Variants in MEF2A observed in about 807,000 individuals in gnomAD.
MEF2A encodes myocyte-specific enhancer factor 2A.
A neutral mutation model predicts 55.8 loss-of-function variants in MEF2A; 28 were observed. The observed-to-expected ratio is 0.50, with a 90% CI of 0.37 to 0.69. MEF2A has a LOEUF of 0.69. Ranked by LOEUF, MEF2A falls within the 30% of genes least tolerant of loss-of-function variation. The pLI is 0.00. For missense variants in MEF2A, 528 were observed against 626.2 expected (o/e 0.84, Z 1.67); for synonymous variants, 239 against 227.1 (o/e 1.05, Z -0.47).
At chr15:99,646,683 A>G (rs943314246) in intron 4 of MEF2A, among the ~76,000 whole-genome samples, 1 of 152,098 alleles carries the variant, frequency 6.6e-6, no homozygotes, top group African/African-American at 2.4e-5. Context: ...TTAAAATTAA[A>G]GATAATTTAG....
intron 11 of MEF2A, 89 bp downstream of exon 11, chr15:99,710,849 T>C: frequency 1.4e-6 from 2 of 1,436,934 alleles, no homozygotes; most frequent in South Asian, 1.4e-5. Flanking sequence ...TCTGTTGAGT[T>C]TCGTGTGAGG....
At chr15:99,688,783 A>G (rs1398939053) in intron 7 of MEF2A, among the ~76,000 whole-genome samples, 2 of 152,166 alleles carry the variant, frequency 1.3e-5, no homozygotes, top group Non-Finnish European at 2.9e-5. Flanking sequence ...ATAAATAAAA[A>G]TAAAATGCTT....
intron 1 of MEF2A, among the ~76,000 whole-genome samples, chr15:99,578,822 A>G (rs911169330): frequency 6.6e-6 from 1 of 152,236 alleles, no homozygotes; most frequent in Admixed American, 6.5e-5. Flanking sequence ...AAAAGAAAGG[A>G]TTGGAACTTA....
intron 4 of MEF2A, among the ~76,000 whole-genome samples, chr15:99,667,337 C>T (rs2049992508): frequency 6.6e-6 from 1 of 152,142 alleles, no homozygotes. Context: ...TCTCCTGCCT[C>T]AGCCTCCCGA....
At chr15:99,574,510 C>T (rs2152769058) in intron 1 of MEF2A, among the ~76,000 whole-genome samples, 1 of 152,234 alleles carries the variant, frequency 6.6e-6, no homozygotes, top group Non-Finnish European at 1.5e-5. Context: ...TAGAGGGTCC[C>T]ATCTTGGGGT....
chr15:99,705,453 A>ATT (rs2057919711), intron 9 of MEF2A, among the ~76,000 whole-genome samples: 1 of 152,230 alleles, frequency 6.6e-6, no homozygotes, highest in Admixed American at 6.5e-5. Flanking sequence ...CAGGACAAAG[A>ATT]TTGCTATATC....
intron 2 of MEF2A, among the ~76,000 whole-genome samples, chr15:99,612,937 C>G (rs1429615205): frequency 6.6e-6 from 1 of 151,050 alleles, no homozygotes; most frequent in Non-Finnish European, 1.5e-5. Flanking sequence ...AGGAAAAGAC[C>G]AAGAAAGCCA....
intron 1 of MEF2A, among the ~76,000 whole-genome samples, chr15:99,584,200 A>G (rs1237737359): frequency 5.9e-5 from 9 of 152,210 alleles, no homozygotes; most frequent in Admixed American, 5.9e-4. Flanking sequence ...GTGGTTCATT[A>G]CTGACTGAAA....
intron 8 of MEF2A, among the ~76,000 whole-genome samples, chr15:99,692,032 C>A (rs28405185): frequency 0.25 from 37,661 of 151,966 alleles, 4,999 homozygotes; most frequent in African/African-American, 0.34. Flanking sequence ...TACTACCATA[C>A]TAAATGATAT....
chr15:99,593,456 G>A (rs1970050693), intron 1 of MEF2A, among the ~76,000 whole-genome samples: 1 of 152,136 alleles, frequency 6.6e-6, no homozygotes, highest in Non-Finnish European at 1.5e-5. Context: ...ACTACATCAT[G>A]CCTGGTAGCA....
intron 3 of MEF2A, among the ~76,000 whole-genome samples, chr15:99,643,841 T>G (rs1229550779): frequency 6.6e-6 from 1 of 152,196 alleles, no homozygotes; most frequent in African/African-American, 2.4e-5. Context: ...TTCGCCTGCC[T>G]CAGCCTCCCA....
At chr15:99,636,757 C>CATA (rs1487401541) in intron 3 of MEF2A, among the ~76,000 whole-genome samples, 1 of 152,178 alleles carries the variant, frequency 6.6e-6, no homozygotes, top group East Asian at 1.9e-4. Flanking sequence ...CTTTACTTAC[C>CATA]ATAAGGCCAT....
rs143791425 is a variant in MEF2A at position 99,650,716 on chromosome 15, T to C, written c.258+4952T>C. Among the ~76,000 whole-genome samples the C allele has an allele frequency of 3.4e-3, 521 of 152,248 alleles. 4 individuals are homozygous for C. Among genetic ancestry groups the C allele is most frequent in the African/African-American group, 0.012 (488 of 41,550 alleles). On this transcript the variant is annotated intron_variant, in intron 4 of 11. Coordinates refer to ENST00000557942, the MANE Select transcript of MEF2A (RefSeq NM_001319206.4). Reference sequence around the variant, plus strand: ...TAAGATCCATCTATCAATTAGAAAATAAAAGCAGATGGTAGTGAAAGTGAT... The same window carrying C: ...TAAGATCCATCTATCAATTAGAAAACAAAAGCAGATGGTAGTGAAAGTGAT...
intron 1 of MEF2A, among the ~76,000 whole-genome samples, chr15:99,589,144 A>G (rs1023679505): frequency 1.1e-4 from 17 of 152,152 alleles, no homozygotes; most frequent in African/African-American, 4.1e-4. Flanking sequence ...CTGATATTAA[A>G]TCTTTAGATG....
At chr15:99,684,991 C>T (rs1405448957) in intron 7 of MEF2A, among the ~76,000 whole-genome samples, 2 of 152,164 alleles carry the variant, frequency 1.3e-5, no homozygotes, top group Non-Finnish European at 2.9e-5. Flanking sequence ...TGTTGAAGAT[C>T]AGTTGGCTGT....
chr15:99,575,105 C>G (rs1487318257), intron 1 of MEF2A, among the ~76,000 whole-genome samples: 1 of 151,846 alleles, frequency 6.6e-6, no homozygotes, highest in Non-Finnish European at 1.5e-5. Flanking sequence ...GAGGAGGTTG[C>G]ACACATCAAG....
chr15:99,707,945 A>G (rs537657408), intron 10 of MEF2A, among the ~76,000 whole-genome samples: 7 of 152,348 alleles, frequency 4.6e-5, no homozygotes, highest in African/African-American at 1.7e-4. Context: ...ATTGAAAAAA[A>G]AAAAGTCTCT....
intron 4 of MEF2A, among the ~76,000 whole-genome samples, chr15:99,658,648 G>A (rs1011328940): frequency 6.6e-6 from 1 of 151,024 alleles, no homozygotes; most frequent in Non-Finnish European, 1.5e-5. Context: ...TAGTGAAACT[G>A]TGCAGAAAAC....
intron 1 of MEF2A, among the ~76,000 whole-genome samples, chr15:99,587,465 A>G (rs923337572): frequency 6.6e-6 from 1 of 152,022 alleles, no homozygotes; most frequent in Non-Finnish European, 1.5e-5. Context: ...TTTTTTGTCA[A>G]TCTTTACAAA....
Sources: gnomAD v4.1 joint callset for allele counts (sites outside exome capture counted in the v4.1 genomes callset) on GRCh38, gnomAD v4.1.1 for gene constraint, MANE v1.5 for transcripts, NCBI Gene and HGNC (gene_info 2026-07-23, HGNC 2026-07-21) for gene names.